Variants in TMEM268 observed in about 807,000 individuals in gnomAD.
TMEM268 encodes transmembrane protein C9orf91.
In TMEM268, 24 loss-of-function variants were observed where a neutral mutation model predicts 39.1. The observed-to-expected ratio is 0.61, with a 90% CI of 0.44 to 0.86. TMEM268 has a LOEUF of 0.86. Ranked by LOEUF, TMEM268 falls within the 40% of genes least tolerant of loss-of-function variation. The pLI is 0.00. For synonymous variants in TMEM268, 176 were observed against 173.5 expected (o/e 1.01, Z -0.12); for missense variants, 409 against 428.6 (o/e 0.95, Z 0.40).
At chr9:114,637,288 C>CTTTTTTTTTTTT (rs33946644) in intron 7 of TMEM268, among the ~76,000 whole-genome samples, 1 of 127,336 alleles carries the variant, frequency 7.9e-6, no homozygotes, top group Non-Finnish European at 1.6e-5. Flanking sequence ...TATATTTCTT[C>CTTTTTTTTTTTT]TTTTTTTTTT....
upstream of TMEM268, among the ~76,000 whole-genome samples, chr9:114,607,879 G>C (rs1296218298): frequency 6.6e-6 from 1 of 152,164 alleles, no homozygotes; most frequent in Non-Finnish European, 1.5e-5. Flanking sequence ...CTGAGAACTA[G>C]AAGTGAGAGA....
At chr9:114,636,491 TTTTCTTTTCTTTTC>T (rs200863198) in intron 6 of TMEM268, among the ~76,000 whole-genome samples, 2,798 of 136,064 alleles carry the variant, frequency 0.021, 84 homozygotes, top group African/African-American at 0.068. Context: ...TAACTTTTTC[TTTTCTTTTCTTTTC>T]TTTCTTTTCT....
At chr9:114,628,686 A>G (rs1192466598) in intron 5 of TMEM268, among the ~76,000 whole-genome samples, 1 of 152,108 alleles carries the variant, frequency 6.6e-6, no homozygotes, top group Admixed American at 6.6e-5. Flanking sequence ...GCAGATGCCG[A>G]CCTGGTGCTC....
At chr9:114,610,274 G>A (rs1845445803), upstream of TMEM268, among the ~76,000 whole-genome samples, 1 of 152,094 alleles carries the variant, frequency 6.6e-6, no homozygotes, top group Non-Finnish European at 1.5e-5. Context: ...CCCGACCTCA[G>A]GTAATCCTCC....
At chr9:114,625,250 A>G (rs979845939) in intron 3 of TMEM268, among the ~76,000 whole-genome samples, 5 of 152,208 alleles carry the variant, frequency 3.3e-5, no homozygotes. Flanking sequence ...AGTATATAGT[A>G]AATGCTCAAT....
In TMEM268 at chr9:114,630,509, G is replaced by A. The variant is rs565096562; in HGVS notation, c.474+2259G>A. Among the ~76,000 whole-genome samples the A allele has an allele frequency of 8.5e-5, 13 of 152,248 alleles. No homozygotes were observed. In the East Asian group the frequency reaches 9.7e-4, roughly 11 times the overall value. ...GTATGCTGTATGCTTGGGGCTTCAC[G>A]TCTATGCCCAACAACAACCTTATAA... On this transcript the variant is annotated intron_variant, in intron 5 of 8. Transcript: ENST00000288502.
At chr9:114,616,676 T>G (rs1845727379) in intron 1 of TMEM268, among the ~76,000 whole-genome samples, 1 of 152,148 alleles carries the variant, frequency 6.6e-6, no homozygotes, top group Non-Finnish European at 1.5e-5. Flanking sequence ...GATTTTTTTT[T>G]TTTTTAATGT....
intron 2 of TMEM268, chr9:114,624,137 A>G: frequency 9.9e-7 from 1 of 1,009,982 alleles, no homozygotes; most frequent in South Asian, 1.9e-5. Flanking sequence ...TGGTCCTAGG[A>G]GCCTCCTCCC....
chr9:114,625,078 C>T (rs935073986), intron 3 of TMEM268, among the ~76,000 whole-genome samples: 2 of 152,194 alleles, frequency 1.3e-5, no homozygotes, highest in African/African-American at 2.4e-5. Flanking sequence ...GGATGCAGAT[C>T]TAGCTCCGAT....
chr9:114,641,064 T>C (rs531721207), intron 8 of TMEM268, among the ~76,000 whole-genome samples: 1 of 152,056 alleles, frequency 6.6e-6, no homozygotes, highest in Non-Finnish European at 1.5e-5. Context: ...TTAGTAGAGA[T>C]GGGTTTTCAC....
At chr9:114,623,740 C>T (rs1846038898) in intron 2 of TMEM268, among the ~76,000 whole-genome samples, 1 of 152,180 alleles carries the variant, frequency 6.6e-6, no homozygotes. Context: ...TTTCATGGGG[C>T]CCACCCGGAT....
intron 2 of TMEM268, among the ~76,000 whole-genome samples, chr9:114,623,633 C>T (rs558838260): frequency 4.6e-5 from 7 of 152,292 alleles, no homozygotes; most frequent in South Asian, 2.1e-4. Context: ...ATGGTCAAAG[C>T]GATCGATGCC....
chr9:114,623,614 TCTCC>T (rs1411916539), intron 2 of TMEM268, among the ~76,000 whole-genome samples: 1 of 152,138 alleles, frequency 6.6e-6, no homozygotes, highest in African/African-American at 2.4e-5. Flanking sequence ...CTCATGGCCC[TCTCC>T]CTCCATGGTC....
At chr9:114,640,572 G>A (rs948024562) in intron 8 of TMEM268, among the ~76,000 whole-genome samples, 2 of 152,254 alleles carry the variant, frequency 1.3e-5, no homozygotes, top group African/African-American at 4.8e-5. Context: ...GGAGAGTGCA[G>A]TAAGCCCATG....
chr9:114,636,781 G>A (rs1846656400), intron 6 of TMEM268, among the ~76,000 whole-genome samples: 1 of 152,198 alleles, frequency 6.6e-6, no homozygotes, highest in African/African-American at 2.4e-5. Context: ...GATTACAGGT[G>A]TGAGCCACTG....
intron 5 of TMEM268, among the ~76,000 whole-genome samples, chr9:114,630,798 A>T (rs952426792): frequency 6.6e-6 from 1 of 152,196 alleles, no homozygotes; most frequent in Non-Finnish European, 1.5e-5. Flanking sequence ...TAACCAGTCC[A>T]TGGCCACACA....
At chr9:114,633,916 G>A in intron 6 of TMEM268, 38 bp downstream of exon 6, 3 of 1,242,422 alleles carry the variant, frequency 2.4e-6, no homozygotes, top group Non-Finnish European at 3.4e-6. Flanking sequence ...TGATGGCCCA[G>A]TTTTATGTTG....
intron 8 of TMEM268, among the ~76,000 whole-genome samples, chr9:114,639,359 A>C (rs1846789162): frequency 6.6e-6 from 1 of 151,470 alleles, no homozygotes; most frequent in Non-Finnish European, 1.5e-5. Context: ...CTGGTCTCCA[A>C]CTCCTGGGCT....
intron 7 of TMEM268, 28 bp from the exon 8 acceptor site, chr9:114,638,516 C>T (rs757168475): frequency 6.6e-7 from 1 of 1,516,504 alleles, no homozygotes; most frequent in South Asian, 1.3e-5. Flanking sequence ...TTAGGCACTC[C>T]TGAGCCCCTT....
Sources: allele counts gnomAD v4.1 joint callset (sites outside exome capture counted in the v4.1 genomes callset), GRCh38; gene constraint gnomAD v4.1.1; transcripts MANE v1.5; gene names NCBI Gene and HGNC (gene_info 2026-07-23, HGNC 2026-07-21).